The following BCAS3 variants were observed in gnomAD, a reference collection of about 807,000 sequenced individuals.
The protein encoded by BCAS3 is BCAS4/BCAS3 fusion.
Under a neutral mutation model 116.1 loss-of-function variants are expected in BCAS3, and 53 were observed. That is an observed-to-expected ratio of 0.46 (90% CI 0.37 to 0.57). The LOEUF (loss-of-function observed/expected upper bound fraction) is 0.57, where lower values mean the gene tolerates loss of function less well. Among genes scored for constraint, BCAS3 ranks in the 20% least tolerant of loss-of-function variants. BCAS3 has a pLI of 0.00. For missense variants in BCAS3, 917 were observed against 1,165.4 expected, an observed-to-expected ratio of 0.79 and a Z score of 3.10; for synonymous variants, 391 against 408.2, an observed-to-expected ratio of 0.96 and a Z score of 0.51.
At chr17:61,370,413 G>A (rs1327454373) in intron 23 of BCAS3, among the ~76,000 whole-genome samples, 4 of 151,142 alleles carry the variant, frequency 2.6e-5, no homozygotes, top group Admixed American at 6.6e-5. Flanking sequence ...TTTTTAAGGC[G>A]GAGTCTTGCT....
At chr17:60,999,516 C>T (rs1310831189) in intron 15 of BCAS3, among the ~76,000 whole-genome samples, 4 of 144,354 alleles carry the variant, frequency 2.8e-5, no homozygotes, top group African/African-American at 7.8e-5. Flanking sequence ...CATTGCACTC[C>T]AGCCTGGGCG....
At position 61,387,660 on chromosome 17, in the gene BCAS3, A is replaced by T. The variant is rs558311045; in HGVS notation, c.2594-4317A>T. ...GCTGCGGGTAACAGGCCCATTTCCA[A>T]TATGAGCCAACAGGGAATGGCTCTC... On this transcript the variant is annotated intron_variant, in intron 23 of 23. Transcript: ENST00000407086. The surrounding 1 kb of genome is among the most constrained non-coding windows in gnomAD (Gnocchi z 6.2). Among the ~76,000 whole-genome samples the T allele has an allele frequency of 1.3e-5, 2 of 152,238 alleles. No individual in the cohort carries two copies. Among genetic ancestry groups the T allele is most frequent in the Admixed American group, 1.3e-4 (2 of 15,300 alleles).
intron 13 of BCAS3, among the ~76,000 whole-genome samples, chr17:60,927,572 T>G (rs575408016): frequency 6.6e-6 from 1 of 152,306 alleles, no homozygotes; most frequent in South Asian, 2.1e-4. Context: ...TATTTTTCTA[T>G]AGAAATTTTG....
At chr17:60,819,443 A>G (rs2049732872) in intron 7 of BCAS3, among the ~76,000 whole-genome samples, 1 of 152,216 alleles carries the variant, frequency 6.6e-6, no homozygotes, top group Non-Finnish European at 1.5e-5. Flanking sequence ...GTGTGAGATT[A>G]TATTTCAGAC....
At chr17:61,179,804 A>G (rs1418517500) in intron 22 of BCAS3, among the ~76,000 whole-genome samples, 1 of 151,876 alleles carries the variant, frequency 6.6e-6, no homozygotes, top group Non-Finnish European at 1.5e-5. Context: ...TGAACTCCAG[A>G]GAGAGGAGGG....
At chr17:60,945,794 G>A (rs748593974) in intron 13 of BCAS3, among the ~76,000 whole-genome samples, 10 of 148,070 alleles carry the variant, frequency 6.8e-5, no homozygotes, top group Non-Finnish European at 1.3e-4. Context: ...GAGCGAGACT[G>A]TCTCAAATAA....
Position 60,974,975 on chromosome 17 carries a change from TTTTTTTGTTTTTTTTGCTTTTTTG to T in BCAS3, c.1222-14989_1222-14966del, listed in dbSNP as rs1199049144. Among the ~76,000 whole-genome samples the T allele has an allele frequency of 1.2e-3, 172 of 139,460 alleles. 7 individuals are homozygous for T. The highest frequency in any genetic ancestry group is 4.9e-3 in the African/African-American group (142 of 29,242). 91.5% of individuals were successfully genotyped at this position (139,460 alleles called of 152,430 possible). On this transcript the variant is annotated intron_variant, in intron 14 of 23. Coordinates refer to ENST00000407086, the MANE Select transcript of BCAS3 (RefSeq NM_017679.5). ...CCCATATTATATTCAAGCCATTTGT[TTTTTTTGTTTTTTTTGCTTTTTTG>T]TTTTTTTTTTTTTGAGACGGAGTCT...
intron 22 of BCAS3, among the ~76,000 whole-genome samples, chr17:61,173,449 C>CA (rs35764675): frequency 0.67 from 91,994 of 138,172 alleles, 32,331 homozygotes; most frequent in South Asian, 0.86. Flanking sequence ...ACTCTGTCTC[C>CA]AAAAAAAAAA....
chr17:60,997,162 G>C (rs1017747819), intron 15 of BCAS3, among the ~76,000 whole-genome samples: 2 of 152,174 alleles, frequency 1.3e-5, no homozygotes, highest in African/African-American at 4.8e-5. Flanking sequence ...ATCTAATGCT[G>C]CTGCTGATCT....
rs1035925646 is a variant in BCAS3 at position 61,378,210 on chromosome 17, A to G, written c.2593+9716A>G. ...TTTCACCTCCTCCACCTTCTTGCCA[A>G]TATAGGATCCCAGCATCCCCAGCAT... On this transcript the variant is annotated intron_variant, in intron 23 of 23. Transcript: ENST00000407086. The surrounding 1 kb of genome is among the most constrained non-coding windows in gnomAD (Gnocchi z 5.8). 6 of 152,096 alleles carry G rather than the reference A, an allele frequency of 3.9e-5. No individual in the cohort carries two copies. The highest frequency in any genetic ancestry group is 7.3e-5 in the Non-Finnish European group (5 of 68,068). 9.4% of individuals were successfully genotyped at this position (152,096 alleles called of 1,614,324 possible).
chr17:60,842,743 C>G (rs1006636601), intron 7 of BCAS3, among the ~76,000 whole-genome samples: 2 of 152,102 alleles, frequency 1.3e-5, no homozygotes, highest in Non-Finnish European at 2.9e-5. Flanking sequence ...TTTCTTCTAT[C>G]TCCTTGGATT....
chr17:61,349,517 C>T lies in BCAS3; in HGVS notation c.2426-18810C>T, dbSNP rs886677182. On this transcript the variant is annotated intron_variant, in intron 22 of 23. Coordinates refer to ENST00000407086, the MANE Select transcript of BCAS3 (RefSeq NM_017679.5). This position sits in a 1 kb window ranked among gnomAD's most constrained non-coding sequence, Gnocchi z 4.7. ...GATTATTGGTCCAGCTCTGCTTCTC[C>T]GAAAGCTTTTAGACCAGAGCCCCTC... Among the ~76,000 whole-genome samples the T allele has an allele frequency of 2.0e-5, 3 of 152,152 alleles. No individual in the cohort carries two copies. The highest frequency in any genetic ancestry group is 1.9e-4 in the East Asian group (1 of 5,188).
At chr17:61,166,087 C>T (rs969170002) in intron 22 of BCAS3, among the ~76,000 whole-genome samples, 6 of 152,180 alleles carry the variant, frequency 3.9e-5, no homozygotes, top group Non-Finnish European at 8.8e-5. Context: ...AACTGAATCT[C>T]ATAAGTTTTT....
intron 22 of BCAS3, among the ~76,000 whole-genome samples, chr17:61,155,330 A>G (rs1021067364): frequency 1.3e-5 from 2 of 152,154 alleles, no homozygotes; most frequent in African/African-American, 4.8e-5. Flanking sequence ...AATTGGGGCA[A>G]TAAATATGTC....
At chr17:60,896,756 TG>T (rs1376029419) in intron 10 of BCAS3, among the ~76,000 whole-genome samples, 1 of 152,154 alleles carries the variant, frequency 6.6e-6, no homozygotes, top group Non-Finnish European at 1.5e-5. Context: ...AGCATATAGT[TG>T]GGTCATTTAA....
intron 13 of BCAS3, 123 bp from the exon 14 acceptor site, chr17:60,947,096 T>C: frequency 1.0e-6 from 1 of 971,482 alleles, no homozygotes; most frequent in Admixed American, 2.4e-5. Flanking sequence ...TTGTAAAGTT[T>C]CTTATAGCCT....
At chr17:61,137,435 G>A (rs149345971) in intron 22 of BCAS3, among the ~76,000 whole-genome samples, 2 of 152,328 alleles carry the variant, frequency 1.3e-5, no homozygotes, top group African/African-American at 2.4e-5. Context: ...GCAAATATGA[G>A]CAATTTCTAA....
At chr17:61,207,994 A>G (rs1195719094) in intron 22 of BCAS3, among the ~76,000 whole-genome samples, 3 of 152,208 alleles carry the variant, frequency 2.0e-5, no homozygotes, top group Non-Finnish European at 4.4e-5. Flanking sequence ...AGAGGGGAAA[A>G]TTACTATTAG....
intron 12 of BCAS3, among the ~76,000 whole-genome samples, chr17:60,923,102 TG>T (rs1005929052): frequency 1.3e-5 from 2 of 152,146 alleles, no homozygotes; most frequent in African/African-American, 4.8e-5. Context: ...TAGAAGCTGA[TG>T]GAACAGTAAA....
Sources: allele counts gnomAD v4.1 joint callset (sites outside exome capture counted in the v4.1 genomes callset), GRCh38; gene constraint gnomAD v4.1.1; non-coding constraint Gnocchi (gnomAD v3.1); transcripts MANE v1.5; gene names NCBI Gene and HGNC (gene_info 2026-07-23, HGNC 2026-07-21).